The following NXPH2 variants were observed in gnomAD, a reference collection of about 807,000 sequenced individuals.
The protein encoded by NXPH2 is neurexophilin-2.
NXPH2 carries 5 observed loss-of-function variants against 19.8 expected under a neutral mutation model. That is an observed-to-expected ratio of 0.25 (90% CI 0.13 to 0.53). The LOEUF (loss-of-function observed/expected upper bound fraction) is 0.53. NXPH2 is among the 20% of genes least tolerant of loss of function. The pLI is 0.96. For synonymous variants in NXPH2, 154 were observed against 127.4 expected (o/e 1.21, Z -1.41); for missense variants, 289 against 322.8 (o/e 0.90, Z 0.80).
At chr2:138,772,241 T>A (rs562222379) in intron 1 of NXPH2, among the ~76,000 whole-genome samples, 1 of 152,344 alleles carries the variant, frequency 6.6e-6, no homozygotes, top group African/African-American at 2.4e-5. Flanking sequence ...TAACTTAACA[T>A]GAAAATGGCA....
intron 1 of NXPH2, among the ~76,000 whole-genome samples, chr2:138,678,686 C>T (rs1250108817): frequency 1.3e-5 from 2 of 151,818 alleles, no homozygotes; most frequent in East Asian, 3.9e-4. Flanking sequence ...ATATTAATTC[C>T]CTAAAAATTG....
chr2:138,695,281 G>A (rs950259712), intron 1 of NXPH2, among the ~76,000 whole-genome samples: 1 of 152,156 alleles, frequency 6.6e-6, no homozygotes, highest in Non-Finnish European at 1.5e-5. Context: ...AATATTAAGT[G>A]TTAAAATGTA....
intron 1 of NXPH2, among the ~76,000 whole-genome samples, chr2:138,714,310 AAT>A (rs1356057780): frequency 6.6e-6 from 1 of 152,186 alleles, no homozygotes; most frequent in East Asian, 1.9e-4. Context: ...CTATTTAAAA[AAT>A]AGTTATTTGT....
At chr2:138,727,672 G>T (rs373688505) in intron 1 of NXPH2, among the ~76,000 whole-genome samples, 1 of 116,234 alleles carries the variant, frequency 8.6e-6, no homozygotes, top group African/African-American at 3.3e-5. Flanking sequence ...GCGGTGAGGC[G>T]GGGGGGGTTC....
At chr2:138,689,576 C>A (rs932807853) in intron 1 of NXPH2, among the ~76,000 whole-genome samples, 1 of 152,120 alleles carries the variant, frequency 6.6e-6, no homozygotes, top group African/African-American at 2.4e-5. Flanking sequence ...TCAGATCAGT[C>A]CCAGTTTTAT....
intron 1 of NXPH2, among the ~76,000 whole-genome samples, chr2:138,743,853 A>G (rs1028766038): frequency 2.0e-5 from 3 of 152,000 alleles, no homozygotes; most frequent in African/African-American, 7.2e-5. Context: ...AAGTACAAAA[A>G]TTAGTCAGGC....
chr2:138,758,929 G>A (rs994535076), intron 1 of NXPH2, among the ~76,000 whole-genome samples: 1 of 152,158 alleles, frequency 6.6e-6, no homozygotes, highest in Non-Finnish European at 1.5e-5. Flanking sequence ...TACCTTGACA[G>A]ATATAAAACT....
At chr2:138,775,395 T>C (rs1211879699) in intron 1 of NXPH2, among the ~76,000 whole-genome samples, 1 of 152,130 alleles carries the variant, frequency 6.6e-6, no homozygotes, top group African/African-American at 2.4e-5. Context: ...ACTTATACTG[T>C]AAATTGCTTT....
chr2:138,770,080 A>T (rs1185228586), intron 1 of NXPH2, among the ~76,000 whole-genome samples: 1 of 152,188 alleles, frequency 6.6e-6, no homozygotes, highest in Non-Finnish European at 1.5e-5. Flanking sequence ...CTGAGTGGTA[A>T]GTAGTCATAA....
At chr2:138,707,106 A>AAAAAAAAAAAAAAAAAG (rs898822624) in intron 1 of NXPH2, among the ~76,000 whole-genome samples, 1 of 146,956 alleles carries the variant, frequency 6.8e-6, no homozygotes, top group Non-Finnish European at 1.5e-5. Flanking sequence ...AAAAAAAAAA[A>AAAAAAAAAAAAAAAAAG]AAAAAAGAGC....
At chr2:138,756,768 A>T (rs932626279) in intron 1 of NXPH2, among the ~76,000 whole-genome samples, 6 of 152,218 alleles carry the variant, frequency 3.9e-5, no homozygotes, top group African/African-American at 1.4e-4. Flanking sequence ...AAGACTAGTT[A>T]GTATATCTGA....
chr2:138,674,164 C>A lies in NXPH2; in HGVS notation c.52-2499G>T, dbSNP rs550406790. Reference sequence around the variant, plus strand: ...GGCTAATTTTCTTTTTTTTCTTTTTCTTTTTTTTTAATACAGTCTTGTTCT... The same window carrying A: ...GGCTAATTTTCTTTTTTTTCTTTTTATTTTTTTTTAATACAGTCTTGTTCT... On this transcript the variant is annotated intron_variant, in intron 1 of 1. Coordinates refer to ENST00000272641, the MANE Select transcript of NXPH2 (RefSeq NM_007226.3). Among the ~76,000 whole-genome samples the A allele has an allele frequency of 4.0e-5, 6 of 149,960 alleles. No homozygotes were observed. In the East Asian group the frequency reaches 1.2e-3, roughly 29 times the overall value.
intron 1 of NXPH2, among the ~76,000 whole-genome samples, chr2:138,741,219 G>A (rs1681637160): frequency 6.6e-6 from 1 of 152,160 alleles, no homozygotes; most frequent in South Asian, 2.1e-4. Context: ...TGGGACCAGG[G>A]AAGCATGCAG....
intron 1 of NXPH2, among the ~76,000 whole-genome samples, chr2:138,737,680 C>T (rs1435667081): frequency 1.3e-5 from 2 of 152,198 alleles, no homozygotes; most frequent in African/African-American, 2.4e-5. Flanking sequence ...AGAGCAGCAT[C>T]TTTGGATTAT....
chr2:138,727,747 A>C (rs1681381335), intron 1 of NXPH2, among the ~76,000 whole-genome samples: 2 of 152,050 alleles, frequency 1.3e-5, no homozygotes, highest in African/African-American at 4.8e-5. Context: ...GTGTTTTACA[A>C]GCATTTTTAA....
At chr2:138,766,607 A>T (rs960638397) in intron 1 of NXPH2, among the ~76,000 whole-genome samples, 2 of 152,226 alleles carry the variant, frequency 1.3e-5, no homozygotes, top group Admixed American at 6.5e-5. Flanking sequence ...ATGATCCAGC[A>T]GATGGCCTCT....
chr2:138,733,391 T>G (rs887460326), intron 1 of NXPH2, among the ~76,000 whole-genome samples: 1 of 152,204 alleles, frequency 6.6e-6, no homozygotes, highest in African/African-American at 2.4e-5. Flanking sequence ...TCTGGATATT[T>G]TATTTCTGTG....
intron 1 of NXPH2, among the ~76,000 whole-genome samples, chr2:138,685,211 C>T (rs1680629792): frequency 6.6e-6 from 1 of 152,328 alleles, no homozygotes; most frequent in South Asian, 2.1e-4. Flanking sequence ...AGCATCAACT[C>T]CTGCCCAAGA....
At chr2:138,734,152 G>A (rs1681498053) in intron 1 of NXPH2, among the ~76,000 whole-genome samples, 1 of 152,186 alleles carries the variant, frequency 6.6e-6, no homozygotes, top group Admixed American at 6.5e-5. Flanking sequence ...GGTTGAGGCA[G>A]GAGAATTGTT....
Sources: allele counts gnomAD v4.1 joint callset (sites outside exome capture counted in the v4.1 genomes callset), GRCh38; gene constraint gnomAD v4.1.1; transcripts MANE v1.5; gene names NCBI Gene and HGNC (gene_info 2026-07-23, HGNC 2026-07-21).